PFAS: variants seen among roughly 807,000 people sequenced by gnomAD.
The protein encoded by PFAS is phosphoribosylformylglycinamidine synthase, also known as FGAM synthase.
Under a neutral mutation model 140.6 loss-of-function variants are expected in PFAS, and 97 were observed. The ratio of observed to expected loss-of-function variants is 0.69; its 90% CI spans 0.59 to 0.82. The LOEUF (loss-of-function observed/expected upper bound fraction) is 0.82. PFAS is among the 40% of genes least tolerant of loss of function. PFAS has a pLI of 0.00. For missense variants in PFAS, 1,656 were observed against 1,780.2 expected (o/e 0.93, Z 1.26); for synonymous variants, 679 against 718.8 (o/e 0.94, Z 0.88).
Position 8,265,804 on chromosome 17 carries a change from C to T in PFAS, c.2546-58C>T, listed in dbSNP as rs578070375. On this transcript the variant is annotated intron_variant, in intron 20 of 27. Transcript: ENST00000314666. ...CTGGGAATAGCAGTGCTGTGAGCCC[C>T]TCAGGGATGGGTCCTCCTGAGCTGT... 681 of 1,468,470 alleles carry T rather than the reference C, an allele frequency of 4.6e-4. 8 individuals are homozygous for T. The South Asian group carries it at 7.4e-3, about 16-fold the overall frequency. 91.0% of individuals were successfully genotyped at this position (1,468,470 alleles called of 1,614,324 possible).
intron 8 of PFAS, 88 bp from the exon 9 acceptor site, chr17:8,256,747 A>G: frequency 6.4e-7 from 1 of 1,556,068 alleles, no homozygotes; most frequent in South Asian, 1.2e-5. Flanking sequence ...AATCAGGGAA[A>G]TTGGTTGTCC....
At position 8,257,793 on chromosome 17, in the gene PFAS, T is replaced by A; in HGVS notation, c.1076-14T>A. 6.2e-7 allele frequency: 1 copy of A among 1,613,688 alleles called. No individual in the cohort carries two copies. The highest frequency in any genetic ancestry group is 8.5e-7 in the Non-Finnish European group (1 of 1,179,634). On this transcript the variant is annotated splice_polypyrimidine_tract_variant and intron_variant, in intron 9 of 27. Coordinates refer to ENST00000314666, the MANE Select transcript of PFAS (RefSeq NM_012393.3). ...TTCATTCAGTTCATCCAGTTCTCTC[T>A]CCTTCCCTCCCAGGTTACAATCTGC...
chr17:8,266,635 C>G lies in PFAS; in HGVS notation c.2822-118C>G, dbSNP rs948380754. 12 of 1,506,496 alleles carry G rather than the reference C, an allele frequency of 8.0e-6. No individual in the cohort carries two copies. The highest frequency in any genetic ancestry group is 1.1e-5 in the Non-Finnish European group (12 of 1,134,964). The allele number at this position is 1,506,496 out of a possible 1,614,324, so 93.3% of individuals were successfully genotyped here. The stretch of plus-strand genomic sequence containing the variant: ...GCCCTCATCCTCCCTGATCCCTACC[C>G]TACTCTCTGGCTGCATCCCTCTGAC... On this transcript the variant is annotated intron_variant, in intron 22 of 27. Coordinates refer to ENST00000314666, the MANE Select transcript of PFAS (RefSeq NM_012393.3). This position sits in a 1 kb window ranked among gnomAD's most constrained non-coding sequence, Gnocchi z 5.0.
At position 8,263,211 on chromosome 17, in the gene PFAS, G is replaced by A. The variant is rs202005820; in HGVS notation, c.1513G>A (p.Ala505Thr). The A allele has an allele frequency of 9.3e-6, 15 of 1,614,074 alleles. No individual in the cohort carries two copies. The Admixed American group carries it at 1.3e-4, about 14-fold the overall frequency. Residue 505 changes from alanine to threonine, a missense_variant, in exon 13 of 28, where the codon GCC becomes ACC. By Grantham distance (58) the Ala-to-Thr change is moderately conservative. Coordinates refer to ENST00000314666, the MANE Select transcript of PFAS (RefSeq NM_012393.3). ...MNRVIRACVE[A>T]PKGNPICSLH... ...CCGTGTGATCAGGGCTTGTGTGGAG[G>A]CCCCCAAGGGAAACCCCATCTGCAG...
intron 12 of PFAS, 47 bp downstream of exon 12, chr17:8,263,040 C>T (rs759240875): frequency 1.2e-6 from 2 of 1,609,954 alleles, no homozygotes; most frequent in Non-Finnish European, 1.7e-6. Flanking sequence ...ATAACCGGGC[C>T]CCAGGCATAG....
rs774589479 is a variant in PFAS, at chr17:8,254,007, AGGAAACTGCAAG to A, written c.80_91del (p.Gln27_Leu30del). ...GGGGGCAGCCCCTGGACACACTCGG[AGGAAACTGCAAG>A]GGAAACTGCCAGAGCTGCAGGGCGT... is the stretch of plus-strand genomic sequence containing the variant. On this transcript the variant is annotated inframe_deletion, in exon 2 of 28. Transcript: ENST00000314666. 20 of 1,614,094 alleles carry A rather than the reference AGGAAACTGCAAG, an allele frequency of 1.2e-5. No homozygotes were observed. Among genetic ancestry groups the A allele is most frequent in the Non-Finnish European group, 1.6e-5 (19 of 1,180,016 alleles).
rs1989860225 is a variant in PFAS at position 8,267,362 on chromosome 17, C to G, written c.3176-10C>G. The G allele has an allele frequency of 6.2e-7, 1 of 1,612,760 alleles. No homozygotes were observed. Among genetic ancestry groups the G allele is most frequent in the African/African-American group, 1.3e-5 (1 of 74,916 alleles). On this transcript the variant is annotated splice_polypyrimidine_tract_variant and intron_variant, in intron 24 of 27. Transcript: ENST00000314666. The surrounding 1 kb of genome is among the most constrained non-coding windows in gnomAD (Gnocchi z 4.9). ...ACTTTCTGGCCCAAAGACACTTATT[C>G]TCCCCCAAGGTGGTCCCAGCCCCCG... is the stretch of plus-strand genomic sequence containing the variant.
chr17:8,255,768 A>G, intron 5 of PFAS, 37 bp from the exon 6 acceptor site: 2 of 1,603,454 alleles, frequency 1.2e-6, no homozygotes, highest in Non-Finnish European at 1.7e-6. Flanking sequence ...TGGCTGCCTG[A>G]GTTCCATAGT....
In PFAS at chr17:8,251,136, A is replaced by G. The variant is rs1048995616; in HGVS notation, c.-80+1797A>G. On this transcript the variant is annotated intron_variant, in intron 1 of 27. Coordinates refer to ENST00000314666, the MANE Select transcript of PFAS (RefSeq NM_012393.3). ...CCCCATCTCTACTAAAAATACAAAA[A>G]TTAGCTGGTCATGGTGGTGTGCACC... Among the ~76,000 whole-genome samples the G allele has an allele frequency of 1.4e-4, 21 of 152,294 alleles. No individual in the cohort carries two copies. The South Asian group carries it at 4.4e-3, about 32-fold the overall frequency.
Position 8,258,190 on chromosome 17 carries a change from C to A in PFAS, c.1327C>A (p.Pro443Thr), listed in dbSNP as rs369132090. The change falls in exon 11 of 28, where the codon CCA becomes ACA. Residue 443 changes from proline (P) to threonine (T), a missense_variant. Pro to Thr is a conservative substitution (Grantham distance 38, BLOSUM62 -1). Coordinates refer to ENST00000314666, the MANE Select transcript of PFAS (RefSeq NM_012393.3). ...MEADHISKEA[P>T]EPGMEVVKVG... ...AGCTGACCACATAAGCAAGGAGGCC[C>A]CAGAGCCAGGTAAGAGCCTGCCACC... 4 of 1,613,990 alleles carry A rather than the reference C, an allele frequency of 2.5e-6. 1 individual carries two copies. In the South Asian group the frequency reaches 3.3e-5, roughly 13 times the overall value.
intron 11 of PFAS, 52 bp from the exon 12 acceptor site, chr17:8,262,868 G>A (rs1989647558): frequency 7.1e-7 from 1 of 1,406,708 alleles, no homozygotes; most frequent in Non-Finnish European, 1.0e-6. Flanking sequence ...TGCTTTCGAG[G>A]CCTCTTCTCG....
At position 8,266,044 on chromosome 17, in the gene PFAS, C is replaced by T. The variant is rs778930633; in HGVS notation, c.2701+27C>T. On this transcript the variant is annotated intron_variant, in intron 21 of 27. Transcript: ENST00000314666. The surrounding 1 kb of genome is among the most constrained non-coding windows in gnomAD (Gnocchi z 5.0). ...TGAGTGAAGACCCCTGGGGAGATAG[C>T]GCACAGGGTGCCAGGCGTGCAGCAG... 18 of 1,575,692 alleles carry T rather than the reference C, an allele frequency of 1.1e-5. No individual in the cohort carries two copies. In the Middle Eastern group the frequency reaches 6.9e-4, roughly 60 times the overall value.
chr17:8,258,149 G>A lies in PFAS; in HGVS notation c.1286G>A (p.Gly429Asp), dbSNP rs1989449757. Residue 429 changes from glycine (G) to aspartate (D), a missense_variant, in exon 11 of 28, where the codon GGC (glycine) becomes GAC (aspartate). Physicochemically the swap from Gly to Asp is moderately conservative, Grantham distance 94. Transcript: ENST00000314666. ...EWIKPIMFSG[G>D]IGSMEADHIS... The stretch of plus-strand genomic sequence containing the variant: ...ATCAAGCCCATCATGTTTAGTGGGG[G>A]CATTGGGTCCATGGAAGCTGACCAC... 6.2e-7 allele frequency: 1 copy of A among 1,614,106 alleles called. No individual in the cohort carries two copies. The highest frequency in any genetic ancestry group is 8.5e-7 in the Non-Finnish European group (1 of 1,180,026).
chr17:8,255,852 C>G lies in PFAS; in HGVS notation c.622C>G (p.Gln208Glu), dbSNP rs201591427. The change falls in exon 6 of 28, where the codon CAG becomes GAG. Residue 208 changes from glutamine to glutamate, a missense_variant. By Grantham distance (29) the Gln-to-Glu change is conservative (BLOSUM62 2). Transcript: ENST00000314666. ...WDLDFYTKRF[Q>E]ELQRNPSTVE... Reference sequence around the variant, plus strand: ...CCTAGACTTCTACACCAAGCGCTTCCAGGAGCTACAGCGGAACCCGAGCAC... The same window carrying G: ...CCTAGACTTCTACACCAAGCGCTTCGAGGAGCTACAGCGGAACCCGAGCAC... 2.5e-6 allele frequency: 4 copies of G among 1,614,176 alleles called. No individual in the cohort carries two copies. The highest frequency in any genetic ancestry group is 3.4e-6 in the Non-Finnish European group (4 of 1,180,008).
chr17:8,258,278 A>G, intron 11 of PFAS, 79 bp downstream of exon 11: 1 of 1,490,502 alleles, frequency 6.7e-7, no homozygotes, highest in East Asian at 2.3e-5. Context: ...GAACTTAGGG[A>G]ACACTTCAGT....
At position 8,268,949 on chromosome 17, in the gene PFAS, C is replaced by T; in HGVS notation, c.3707-5C>T. 6.2e-7 allele frequency: 1 copy of T among 1,614,070 alleles called. No homozygotes were observed. The highest frequency in any genetic ancestry group is 8.5e-7 in the Non-Finnish European group (1 of 1,179,944). On this transcript the variant is annotated splice_region_variant and splice_polypyrimidine_tract_variant and intron_variant, in intron 27 of 27. Coordinates refer to ENST00000314666, the MANE Select transcript of PFAS (RefSeq NM_012393.3). ...GCTCTCACTTCCCTCCTCCTTCCATCCCAGGTTACGTAGCATTTTCTTCTC... is the reference window on the plus strand; with the variant it reads ...GCTCTCACTTCCCTCCTCCTTCCATTCCAGGTTACGTAGCATTTTCTTCTC...
chr17:8,257,258 C>G (rs969139317), intron 9 of PFAS, among the ~76,000 whole-genome samples: 2 of 152,212 alleles, frequency 1.3e-5, no homozygotes, highest in Non-Finnish European at 2.9e-5. Context: ...AATCTGGTTT[C>G]TTAGCCTGAG....
chr17:8,260,994 G>A (rs1989569114), intron 11 of PFAS, among the ~76,000 whole-genome samples: 1 of 152,100 alleles, frequency 6.6e-6, no homozygotes, highest in Admixed American at 6.5e-5. Context: ...GGAATTGCTG[G>A]GTCATGTGGT....
intron 1 of PFAS, among the ~76,000 whole-genome samples, chr17:8,251,976 C>T (rs761129349): frequency 1.3e-5 from 2 of 151,994 alleles, no homozygotes; most frequent in Non-Finnish European, 2.9e-5. Context: ...CCCAGCCCTG[C>T]TTAAGCAATT....
Sources: gnomAD v4.1 joint callset for allele counts (sites outside exome capture counted in the v4.1 genomes callset) on GRCh38, gnomAD v4.1.1 for gene constraint, Gnocchi (gnomAD v3.1) non-coding constraint, MANE v1.5 for transcripts, NCBI Gene and HGNC (gene_info 2026-07-23, HGNC 2026-07-21) for gene names.